The following KRT77 variants were observed in gnomAD, a reference collection of about 807,000 sequenced individuals.
KRT77 encodes keratin 77.
KRT77 carries 44 observed loss-of-function variants against 51.5 expected under a neutral mutation model. The ratio of observed to expected loss-of-function variants is 0.85; its 90% CI spans 0.67 to 1.10. KRT77 has a LOEUF of 1.10. Among genes scored for constraint, KRT77 ranks in the 50% least tolerant of loss-of-function variants. The probability of loss-of-function intolerance (pLI) is 0.00; values close to 1 mark genes in which losing one functional copy is unlikely to be tolerated. For missense variants in KRT77, 763 were observed against 743.9 expected, an observed-to-expected ratio of 1.03 and a Z score of -0.30; for synonymous variants, 293 against 302.0, an observed-to-expected ratio of 0.97 and a Z score of 0.31.
At chr12:52,691,803 C>T (rs1441597233) in intron 8 of KRT77, 135 bp downstream of exon 8, 1 of 936,922 alleles carries the variant, frequency 1.1e-6, no homozygotes, top group East Asian at 2.5e-5. Flanking sequence ...TGCCATTACA[C>T]TTGCTTACTT....
Position 52,697,896 on chromosome 12 carries a change from C to A in KRT77, c.544G>T (p.Val182Leu). The A allele has an allele frequency of 6.2e-7, 1 of 1,613,600 alleles. No individual in the cohort carries two copies. Among genetic ancestry groups the A allele is most frequent in the Non-Finnish European group, 8.5e-7 (1 of 1,179,754 alleles). The change falls in exon 2 of 9, where the codon GTG (valine) becomes TTG (leucine). Residue 182 changes from valine to leucine, a missense_variant and splice_region_variant. Transcript: ENST00000341809. ...NNKFASFIDK[V>L]RFLEQQNQVL... ...TGGTTCTGCTGCTCCAGGAATCGCACCTAAGAGCAAGAGACCCCAGTCCAC... is the reference window on the plus strand; with the variant it reads ...TGGTTCTGCTGCTCCAGGAATCGCAACTAAGAGCAAGAGACCCCAGTCCAC...
At position 52,694,727 on chromosome 12, in the gene KRT77, G is replaced by A. The variant is rs756943078; in HGVS notation, c.979C>T (p.Arg327Cys). 38 of 1,613,424 alleles carry A rather than the reference G, an allele frequency of 2.4e-5. No individual in the cohort carries two copies. The highest frequency in any genetic ancestry group is 1.6e-4 in the Middle Eastern group (1 of 6,082). ...TNVILSMDNN[R>C]SLDLDSIIDA... ...ATGATGCTGTCCAGGTCCAGGGAACGGTTATTGTCCATGGACAGGATGACG... is the reference window on the plus strand; with the variant it reads ...ATGATGCTGTCCAGGTCCAGGGAACAGTTATTGTCCATGGACAGGATGACG... Residue 327 changes from arginine (R) to cysteine (C), a missense_variant, in exon 5 of 9, where the codon CGT becomes TGT. By Grantham distance (180) the Arg-to-Cys change is radical. Coordinates refer to ENST00000341809, the MANE Select transcript of KRT77 (RefSeq NM_175078.3).
chr12:52,702,804 G>T, intron 1 of KRT77, 88 bp downstream of exon 1: 1 of 1,359,640 alleles, frequency 7.4e-7, no homozygotes, highest in Non-Finnish European at 1.0e-6. Flanking sequence ...AGCTGAAACA[G>T]CACGATGTGG....
chr12:52,692,893 G>T lies in KRT77; in HGVS notation c.1081-13C>A, dbSNP rs367544087. 3.2e-5 allele frequency: 51 copies of T among 1,602,936 alleles called. 1 individual carries two copies. The African/African-American group carries it at 5.3e-4, about 17-fold the overall frequency. On this transcript the variant is annotated splice_polypyrimidine_tract_variant and intron_variant, in intron 5 of 8. Transcript: ENST00000341809. Reference sequence around the variant, plus strand: ...GGAGCTCCTGGTACTGGGGCCAAAGGCAGCATCATAGTCAGCATGTGCTGC... The same window carrying T: ...GGAGCTCCTGGTACTGGGGCCAAAGTCAGCATCATAGTCAGCATGTGCTGC...
Position 52,703,252 on chromosome 12 carries a change from G to A in KRT77, c.183C>T (p.Leu61=). ...TGCTTCTACTGCCACCCAGATTGTA[G>A]AGGCTCCTAGAGCCAAACCCCCTTC... ...IHGRGFGSRS[L]YNLGGSRSIS... is the part of the protein sequence containing the mutation. Residue 61 remains leucine (L), a synonymous_variant, in exon 1 of 9, where the codon CTC becomes CTT. Coordinates refer to ENST00000341809, the MANE Select transcript of KRT77 (RefSeq NM_175078.3). The A allele has an allele frequency of 1.2e-6, 2 of 1,612,668 alleles. No individual in the cohort carries two copies. Among genetic ancestry groups the A allele is most frequent in the Non-Finnish European group, 1.7e-6 (2 of 1,179,904 alleles).
In KRT77 at chr12:52,703,323, A is replaced by G. The variant is rs763236817; in HGVS notation, c.112T>C (p.Cys38Arg). The G allele has an allele frequency of 3.1e-6, 5 of 1,613,994 alleles. No homozygotes were observed. Residue 38 changes from cysteine to arginine, a missense_variant, in exon 1 of 9, where the codon TGT becomes CGT. Physicochemically the swap from Cys to Arg is radical, Grantham distance 180. Transcript: ENST00000341809. Reference protein sequence around the residue: ...GGGSPAVGSVCYARGRCGGGG... With the variant: ...GGGSPAVGSVRYARGRCGGGG... Reference sequence around the variant, plus strand: ...CCACCACACCTCCCTCGAGCATAACACACAGAACCCACTGCCGGACTCCCA... The same window carrying G: ...CCACCACACCTCCCTCGAGCATAACGCACAGAACCCACTGCCGGACTCCCA...
Position 52,697,830 on chromosome 12 carries a change from T to A in KRT77, c.610A>T (p.Thr204Ser), listed in dbSNP as rs750271966. ...TCCAGGTTGTTGGTTCCAGTTGAGG[T>A]GTTCACCTGCTGCAGCAACTCCCAT... ...TKWELLQQVN[T>S]STGTNNLEPL... Residue 204 changes from threonine (T) to serine (S), a missense_variant, in exon 2 of 9, where the codon ACC becomes TCC. Physicochemically the swap from Thr to Ser is moderately conservative, Grantham distance 58. Transcript: ENST00000341809. 1 of 1,614,026 alleles carries A rather than the reference T, an allele frequency of 6.2e-7. No homozygotes were observed. Among genetic ancestry groups the A allele is most frequent in the South Asian group, 1.1e-5 (1 of 91,080 alleles).
Position 52,703,182 on chromosome 12 carries a change from C to A in KRT77, c.253G>T (p.Gly85Cys), listed in dbSNP as rs1412338576. ...CCTCCAAATCCCCCTACTCCCCCACCCTGGCAGAAACCACTGGTGCTCCTC... is the reference window on the plus strand; with the variant it reads ...CCTCCAAATCCCCCTACTCCCCCACACTGGCAGAAACCACTGGTGCTCCTC... ...MGRSTSGFCQ[G>C]GGVGGFGGGR... The change falls in exon 1 of 9, where the codon GGT becomes TGT. Residue 85 changes from glycine to cysteine, a missense_variant. Coordinates refer to ENST00000341809, the MANE Select transcript of KRT77 (RefSeq NM_175078.3). 6.2e-7 allele frequency: 1 copy of A among 1,612,806 alleles called. No homozygotes were observed. Among genetic ancestry groups the A allele is most frequent in the Admixed American group, 1.7e-5 (1 of 59,878 alleles).
chr12:52,692,476 A>T lies in KRT77; in HGVS notation c.1372T>A (p.Ser458Thr). ...TAGGTGGCGATCTCCACATCCAGGG[A>T]CAGCTTGACCCCCAGCATGGCCTGG... ...DYQAMLGVKLSLDVEIATYRQ... is the reference protein window; with the variant it reads ...DYQAMLGVKLTLDVEIATYRQ... The change falls in exon 7 of 9, where the codon TCC becomes ACC. Residue 458 changes from serine (S) to threonine (T), a missense_variant. Transcript: ENST00000341809. 1 of 1,613,988 alleles carries T rather than the reference A, an allele frequency of 6.2e-7. No homozygotes were observed.
At chr12:52,702,810 T>C in intron 1 of KRT77, 82 bp downstream of exon 1, 4 of 1,390,116 alleles carry the variant, frequency 2.9e-6, no homozygotes, top group South Asian at 1.3e-5. Flanking sequence ...AACAGCACGA[T>C]GTGGTGAGAG....
intron 5 of KRT77, among the ~76,000 whole-genome samples, chr12:52,693,220 C>A (rs1406144583): frequency 6.6e-6 from 1 of 150,570 alleles, no homozygotes; most frequent in Non-Finnish European, 1.5e-5. Flanking sequence ...GAGACCCCCT[C>A]ACTCTTTCCA....
At chr12:52,698,230 T>C (rs1262564350) in intron 1 of KRT77, 20 of 986,918 alleles carry the variant, frequency 2.0e-5, no homozygotes, top group Non-Finnish European at 2.7e-5. Flanking sequence ...TCGGAGCATC[T>C]GAGACACTGA....
chr12:52,699,328 T>C (rs1941849974), intron 1 of KRT77, among the ~76,000 whole-genome samples: 1 of 152,198 alleles, frequency 6.6e-6, no homozygotes, highest in South Asian at 2.1e-4. Flanking sequence ...GACACAACTC[T>C]GGGTGCTCTG....
intron 5 of KRT77, among the ~76,000 whole-genome samples, chr12:52,693,956 G>A (rs933801524): frequency 4.0e-5 from 6 of 151,884 alleles, no homozygotes; most frequent in African/African-American, 1.5e-4. Context: ...AGAATCACTT[G>A]GACCCAGGAG....
intron 5 of KRT77, among the ~76,000 whole-genome samples, chr12:52,694,339 A>T (rs547207290): frequency 6.6e-6 from 1 of 152,344 alleles, no homozygotes; most frequent in South Asian, 2.1e-4. Context: ...GTTCTCAATA[A>T]ACATTATTGG....
Position 52,695,833 on chromosome 12 carries a change from A to G in KRT77, c.854T>C (p.Leu285Pro), listed in dbSNP as rs775597551. 1 of 1,613,866 alleles carries G rather than the reference A, an allele frequency of 6.2e-7. No individual in the cohort carries two copies. The highest frequency in any genetic ancestry group is 1.1e-5 in the South Asian group (1 of 91,062). Residue 285 changes from leucine (L) to proline (P), a missense_variant, in exon 4 of 9, where the codon CTG becomes CCG. By Grantham distance (98) the Leu-to-Pro change is moderately conservative. Transcript: ENST00000341809. Reference sequence around the variant, plus strand: ...AGTCAGAGTGTCCACCCTGGACTCCAGGTCCACTTTGCTCACATAAGCAGC... The same window carrying G: ...AGTCAGAGTGTCCACCCTGGACTCCGGGTCCACTTTGCTCACATAAGCAGC... ...VDAAYVSKVD[L>P]ESRVDTLTGE...
In KRT77 at chr12:52,690,964, T is replaced by A; in HGVS notation, c.*201A>T. On this transcript the variant is annotated 3_prime_UTR_variant, in exon 9 of 9. Coordinates refer to ENST00000341809, the MANE Select transcript of KRT77 (RefSeq NM_175078.3). ...GAATGTGCCTAGCTGTGAATCTGAC[T>A]GCAAGCCAGTGCCCTCCAAAGAGAG... 6 of 691,432 alleles carry A rather than the reference T, an allele frequency of 8.7e-6. No individual in the cohort carries two copies. Among genetic ancestry groups the A allele is most frequent in the Non-Finnish European group, 1.4e-5 (6 of 417,228 alleles). The allele number at this position is 691,432 out of a possible 1,614,324, so 42.8% of individuals were successfully genotyped here. A position where few individuals can be genotyped will look rare whatever the true frequency, so the allele number is the denominator to read the frequency against.
rs1565655797 is a variant in KRT77, at chr12:52,703,045, AT to A, written c.389del (p.Tyr130PhefsTer10). On this transcript the variant is annotated frameshift_variant, in exon 1 of 9. Transcript: ENST00000341809. LOFTEE classifies it high-confidence loss of function. ...CCTCTTGGATGCCCCCAGGAGGACA[AT>A]AAGGACCAAAGCCCCCAAGCCCAAA... is the stretch of plus-strand genomic sequence containing the variant. ...SNFGLGGFGP[Y>X]CPPGGIQEVT... is the part of the protein sequence containing the mutation. 2.5e-6 allele frequency: 4 copies of A among 1,613,992 alleles called. No homozygotes were observed. The South Asian group carries it at 3.3e-5, about 13-fold the overall frequency.
At chr12:52,696,577 C>A in intron 2 of KRT77, 147 bp from the exon 3 acceptor site, 1 of 683,082 alleles carries the variant, frequency 1.5e-6, no homozygotes, top group Non-Finnish European at 2.6e-6. Context: ...GCTGTCCATT[C>A]CCAGAGGCTG....
Sources: gnomAD v4.1 joint callset for allele counts (sites outside exome capture counted in the v4.1 genomes callset) on GRCh38, gnomAD v4.1.1 for gene constraint, MANE v1.5 for transcripts, NCBI Gene and HGNC (gene_info 2026-07-23, HGNC 2026-07-21) for gene names.